The following FCMR variants were observed in gnomAD, a reference collection of about 807,000 sequenced individuals.
The protein encoded by FCMR is Fc mu receptor.
A neutral mutation model predicts 41.6 loss-of-function variants in FCMR; 34 were observed. That is an observed-to-expected ratio of 0.82 (90% CI 0.62 to 1.09). FCMR has a LOEUF of 1.09. Ranked by LOEUF, FCMR falls within the 50% of genes least tolerant of loss-of-function variation. The pLI, the probability that FCMR is intolerant of heterozygous loss-of-function variation, is 0.00. For synonymous variants in FCMR, 209 were observed against 211.8 expected, an observed-to-expected ratio of 0.99 and a Z score of 0.12; for missense variants, 496 against 512.5, an observed-to-expected ratio of 0.97 and a Z score of 0.31.
At chr1:206,908,268 C>T in intron 7 of FCMR, 1 of 1,087,228 alleles carries the variant, frequency 9.2e-7, no homozygotes, top group South Asian at 1.3e-5. Flanking sequence ...CTTGGCCTGG[C>T]CTGCCCTTCC....
chr1:206,922,985 T>G (rs148286570), upstream of FCMR, among the ~76,000 whole-genome samples: 1 of 152,200 alleles, frequency 6.6e-6, no homozygotes, highest in South Asian at 2.1e-4. Flanking sequence ...GGCATGGAAG[T>G]GCTTTAAGAA....
intron 1 of FCMR, chr1:206,921,365 C>A: frequency 2.3e-6 from 1 of 443,176 alleles, no homozygotes; most frequent in Non-Finnish European, 4.6e-6. Flanking sequence ...CTTTGTGAAG[C>A]TGAGCCAGGA....
chr1:206,918,873 A>G (rs1436839336), intron 1 of FCMR, among the ~76,000 whole-genome samples: 1 of 152,094 alleles, frequency 6.6e-6, no homozygotes, highest in Non-Finnish European at 1.5e-5. Flanking sequence ...CCCTAGGGAG[A>G]CCCACTCCAG....
intron 1 of FCMR, among the ~76,000 whole-genome samples, chr1:206,918,006 C>T (rs1361924025): frequency 4.6e-5 from 7 of 152,180 alleles, no homozygotes; most frequent in Non-Finnish European, 1.0e-4. Flanking sequence ...AATCAGTCAT[C>T]AAATTCGCTA....
In FCMR at chr1:206,911,650, C is replaced by T; in HGVS notation, c.710+80G>A. ...CTAGAGACAAAGCCAAGGAGGGTGTCTAATAATGGACATTGCAGTGGGTTT... is the reference window on the plus strand; with the variant it reads ...CTAGAGACAAAGCCAAGGAGGGTGTTTAATAATGGACATTGCAGTGGGTTT... On this transcript the variant is annotated intron_variant, in intron 4 of 7. Transcript: ENST00000367091. 5 of 1,334,462 alleles carry T rather than the reference C, an allele frequency of 3.7e-6. No homozygotes were observed. The South Asian group carries it at 6.0e-5, about 16-fold the overall frequency. The allele number at this position is 1,334,462 out of a possible 1,614,324, so 82.7% of individuals were successfully genotyped here. A position where few individuals can be genotyped will look rare whatever the true frequency, so the allele number is the denominator to read the frequency against.
At chr1:206,910,526 C>T (rs577663640) in intron 4 of FCMR, among the ~76,000 whole-genome samples, 186 bp from the exon 5 acceptor site, 27 of 152,238 alleles carry the variant, frequency 1.8e-4, no homozygotes, top group South Asian at 4.1e-4. Context: ...AATTCAAATT[C>T]ATATTCCGCC....
chr1:206,907,220 C>T (rs12121499), intron 7 of FCMR, among the ~76,000 whole-genome samples: 53,169 of 150,998 alleles, frequency 0.35, 10,364 homozygotes, highest in Middle Eastern at 0.48. Flanking sequence ...ATTTCTCAGC[C>T]TGCCTTGAAG....
chr1:206,905,222 T>C, intron 7 of FCMR, 75 bp from the exon 8 acceptor site: 2 of 1,541,448 alleles, frequency 1.3e-6, no homozygotes, highest in Admixed American at 1.7e-5. Flanking sequence ...ATTTTCATAG[T>C]GGGCAATGGG....
Position 206,913,939 on chromosome 1 carries a change from T to C in FCMR, c.193A>G (p.Thr65Ala), listed in dbSNP as rs752118035. 1.2e-6 allele frequency: 2 copies of C among 1,614,208 alleles called. No homozygotes were observed. Among genetic ancestry groups the C allele is most frequent in the East Asian group, 4.5e-5 (2 of 44,894 alleles). Reference protein sequence around the residue: ...SGTCGTVVSTTNFIKAEYKGR... With the variant: ...SGTCGTVVSTANFIKAEYKGR... ...TTGTATTCTGCCTTGATGAAGTTGG[T>C]GGTGGATACCACGGTACCACATGTT... is the stretch of plus-strand genomic sequence containing the variant. The change falls in exon 2 of 8, where the codon ACC (threonine) becomes GCC (alanine). Residue 65 changes from threonine to alanine, a missense_variant. Physicochemically the swap from Thr to Ala is moderately conservative, Grantham distance 58. Transcript: ENST00000367091.
At chr1:206,915,852 C>T (rs528330605) in intron 1 of FCMR, among the ~76,000 whole-genome samples, 11 of 152,196 alleles carry the variant, frequency 7.2e-5, no homozygotes, top group East Asian at 1.9e-4. Context: ...AGAGCACTAT[C>T]GAGTTTAGTC....
Position 206,909,748 on chromosome 1 carries a change from C to T in FCMR, c.962G>A (p.Arg321His). The T allele has an allele frequency of 6.8e-7, 1 of 1,463,156 alleles. No homozygotes were observed. Among genetic ancestry groups the T allele is most frequent in the Non-Finnish European group, 8.9e-7 (1 of 1,117,508 alleles). 90.6% of individuals were successfully genotyped at this position (1,463,156 alleles called of 1,614,324 possible). The stretch of plus-strand genomic sequence containing the variant: ...ACCTGCAGCGTCCGCTCCACGAGCG[C>T]GCCGCGGGCAGGCGCTGTAGATGTT... Reference protein sequence around the residue: ...QNNIYSACPRRARGADAAGTG... With the variant: ...QNNIYSACPRHARGADAAGTG... The change falls in exon 6 of 8, where the codon CGC (arginine) becomes CAC (histidine). Residue 321 changes from arginine (R) to histidine (H), a missense_variant. Arg to His is a conservative substitution (Grantham distance 29, BLOSUM62 0). Coordinates refer to ENST00000367091, the MANE Select transcript of FCMR (RefSeq NM_005449.5). The surrounding 1 kb of genome is among the most constrained non-coding windows in gnomAD (Gnocchi z 5.0).
At chr1:206,921,710 A>G (rs892546966) in intron 1 of FCMR, 108 bp downstream of exon 1, 38 of 1,105,738 alleles carry the variant, frequency 3.4e-5, no homozygotes, top group Non-Finnish European at 4.8e-5. Context: ...TTGGTTCACA[A>G]CTGAATCCAT....
At chr1:206,920,261 C>T (rs1679376677) in intron 1 of FCMR, among the ~76,000 whole-genome samples, 1 of 152,012 alleles carries the variant, frequency 6.6e-6, no homozygotes, top group Non-Finnish European at 1.5e-5. Flanking sequence ...TCAAGACCAG[C>T]CTGGCCAACA....
chr1:206,907,109 G>GGTGGGGGA (rs1678693899), intron 7 of FCMR, among the ~76,000 whole-genome samples: 1 of 122,506 alleles, frequency 8.2e-6, no homozygotes, highest in Non-Finnish European at 1.8e-5. Flanking sequence ...GGGGTGGGGG[G>GGTGGGGGA]GGGGTGGGGG....
At chr1:206,910,027 T>C in intron 5 of FCMR, 159 bp from the exon 6 acceptor site, 1 of 1,143,190 alleles carries the variant, frequency 8.7e-7, no homozygotes, top group Non-Finnish European at 1.2e-6. Context: ...TGCCCTGCCC[T>C]GAAGACCAAA....
rs1253708407 is a variant in FCMR, at chr1:206,910,049, G to T, written c.841+161C>A. The T allele has an allele frequency of 8.1e-6, 9 of 1,108,544 alleles. No homozygotes were observed. The African/African-American group carries it at 1.1e-4, about 14-fold the overall frequency. The allele number at this position is 1,108,544 out of a possible 1,614,324, so 68.7% of individuals were successfully genotyped here. A position where few individuals can be genotyped will look rare whatever the true frequency, so the allele number is the denominator to read the frequency against. On this transcript the variant is annotated intron_variant, in intron 5 of 7. Transcript: ENST00000367091. ...CCCTGAAGACCAAAGGGCCCAGGCC[G>T]CTCTCCTCCTCAGACCAGTGGCCCC...
In FCMR at chr1:206,913,884, C is replaced by T. The variant is rs995859431; in HGVS notation, c.248G>A (p.Arg83His). The T allele has an allele frequency of 7.4e-6, 12 of 1,614,096 alleles. No homozygotes were observed. Among genetic ancestry groups the T allele is most frequent in the Middle Eastern group, 3.3e-4 (2 of 6,084 alleles). Residue 83 changes from arginine to histidine, a missense_variant, in exon 2 of 8, where the codon CGC (arginine) becomes CAC (histidine). Transcript: ENST00000367091. ...TACCTCCACTAGGAACAGATTCTTGCGTGGGTATTGCTTCAGAGTAACTCG... is the reference window on the plus strand; with the variant it reads ...TACCTCCACTAGGAACAGATTCTTGTGTGGGTATTGCTTCAGAGTAACTCG... ...KGRVTLKQYP[R>H]KNLFLVEVTQ...
At chr1:206,906,945 T>G (rs1437674971) in intron 7 of FCMR, among the ~76,000 whole-genome samples, 6 of 151,918 alleles carry the variant, frequency 3.9e-5, no homozygotes, top group African/African-American at 1.5e-4. Context: ...CTTCCCTCTT[T>G]AGTAAAGTAC....
intron 4 of FCMR, among the ~76,000 whole-genome samples, chr1:206,910,813 C>T (rs1020281032): frequency 1.3e-5 from 2 of 152,154 alleles, no homozygotes; most frequent in African/African-American, 2.4e-5. Context: ...ATTTTCTCTG[C>T]ATATTGAAAT....
Sources: allele counts gnomAD v4.1 joint callset (sites outside exome capture counted in the v4.1 genomes callset), GRCh38; gene constraint gnomAD v4.1.1; non-coding constraint Gnocchi (gnomAD v3.1); transcripts MANE v1.5; gene names NCBI Gene and HGNC (gene_info 2026-07-23, HGNC 2026-07-21).